Variants in RPRD1B observed in about 807,000 individuals in gnomAD.
RPRD1B encodes regulation of nuclear pre-mRNA domain-containing protein 1B.
In RPRD1B, 11 loss-of-function variants were observed where a neutral mutation model predicts 41.5. The observed-to-expected ratio is 0.27, with a 90% CI of 0.17 to 0.44. The LOEUF (loss-of-function observed/expected upper bound fraction) is 0.44, where lower values mean the gene tolerates loss of function less well. Ranked by LOEUF, RPRD1B falls within the 20% of genes least tolerant of loss-of-function variation. The probability of loss-of-function intolerance (pLI) is 1.00; values close to 1 mark genes in which losing one functional copy is unlikely to be tolerated. For missense variants in RPRD1B, 248 were observed against 389.9 expected, an observed-to-expected ratio of 0.64 and a Z score of 3.06; for synonymous variants, 158 against 155.6, an observed-to-expected ratio of 1.02 and a Z score of -0.12.
intron 3 of RPRD1B, among the ~76,000 whole-genome samples, chr20:38,056,983 A>G (rs184498681): frequency 3.3e-5 from 5 of 152,316 alleles, no homozygotes; most frequent in Admixed American, 2.0e-4. Flanking sequence ...TAAAATGGTA[A>G]CTTAAGTAAT....
intron 6 of RPRD1B, among the ~76,000 whole-genome samples, chr20:38,088,658 T>C (rs1248230083): frequency 6.6e-6 from 1 of 152,234 alleles, no homozygotes; most frequent in African/African-American, 2.4e-5. Context: ...GAGTACCTTT[T>C]TCCGGGAGCT....
In RPRD1B at chr20:38,051,952, T is replaced by G. The variant is rs146934191; in HGVS notation, c.415+3471T>G. ...TTTTAGTAGAGATGGGGTTTCTCCA[T>G]GTTGGTCAGGCTGGTCCCGAACTCC... On this transcript the variant is annotated intron_variant, in intron 3 of 6. Coordinates refer to ENST00000373433, the MANE Select transcript of RPRD1B (RefSeq NM_021215.4). Among the ~76,000 whole-genome samples, 860 of 152,250 alleles carry G rather than the reference T, an allele frequency of 5.6e-3. 11 individuals carry two copies. Among genetic ancestry groups the G allele is most frequent in the Non-Finnish European group, 7.5e-3 (511 of 68,014 alleles).
intron 6 of RPRD1B, chr20:38,070,161 G>A (rs1350772028): frequency 1.0e-6 from 1 of 980,926 alleles, no homozygotes; most frequent in African/African-American, 1.8e-5. Context: ...CCTTTAAGTA[G>A]AATTATGCTT....
intron 6 of RPRD1B, among the ~76,000 whole-genome samples, chr20:38,077,924 C>G (rs1489058399): frequency 1.3e-5 from 2 of 152,098 alleles, no homozygotes; most frequent in Non-Finnish European, 2.9e-5. Flanking sequence ...ACCTGTAATC[C>G]CAGCACTTTG....
chr20:38,057,094 T>G (rs530739146), intron 3 of RPRD1B, among the ~76,000 whole-genome samples: 1 of 152,224 alleles, frequency 6.6e-6, no homozygotes, highest in Non-Finnish European at 1.5e-5. Context: ...TAAAGAATAT[T>G]TGTGTTTGAC....
chr20:38,054,853 C>T (rs2074223647), intron 3 of RPRD1B, among the ~76,000 whole-genome samples: 1 of 152,184 alleles, frequency 6.6e-6, no homozygotes, highest in African/African-American at 2.4e-5. Context: ...CTAATGGCCA[C>T]TCCTTCCACA....
chr20:38,079,771 CTGTTT>C (rs1229722182), intron 6 of RPRD1B, among the ~76,000 whole-genome samples: 3 of 152,108 alleles, frequency 2.0e-5, no homozygotes, highest in African/African-American at 4.8e-5. Flanking sequence ...AATGGTTGTT[CTGTTT>C]TAAGTTCTTT....
At chr20:38,064,223 T>C (rs2074329747) in intron 5 of RPRD1B, among the ~76,000 whole-genome samples, 1 of 152,200 alleles carries the variant, frequency 6.6e-6, no homozygotes, top group Non-Finnish European at 1.5e-5. Flanking sequence ...ACCAAGGACA[T>C]TCTTTGTTTC....
chr20:38,041,301 A>G (rs1362218745), intron 2 of RPRD1B, among the ~76,000 whole-genome samples: 1 of 152,250 alleles, frequency 6.6e-6, no homozygotes, highest in African/African-American at 2.4e-5. Flanking sequence ...TGCAAAAGGA[A>G]TTGGGAAACA....
At chr20:38,072,450 A>G (rs1184046302) in intron 6 of RPRD1B, among the ~76,000 whole-genome samples, 1 of 152,214 alleles carries the variant, frequency 6.6e-6, no homozygotes, top group Non-Finnish European at 1.5e-5. Flanking sequence ...ATCAGTAAGT[A>G]TGAGTCCTCA....
rs147892765 is a variant in RPRD1B at position 38,037,015 on chromosome 20, G to A, written c.151+2917G>A. Among the ~76,000 whole-genome samples the A allele has an allele frequency of 7.1e-3, 1,083 of 152,242 alleles. 5 individuals carry two copies. The highest frequency in any genetic ancestry group is 0.021 in the African/African-American group (866 of 41,544). ...CATGAACTGAAAATGCCCCCACACT[G>A]AAAGAAAAGGATTCTGTGCCCTAAT... is the stretch of plus-strand genomic sequence containing the variant. On this transcript the variant is annotated intron_variant, in intron 1 of 6. Coordinates refer to ENST00000373433, the MANE Select transcript of RPRD1B (RefSeq NM_021215.4).
rs916817945 is a variant in RPRD1B, at chr20:38,091,164, G to C, written c.*1289G>C. On this transcript the variant is annotated 3_prime_UTR_variant, in exon 7 of 7. Transcript: ENST00000373433. ...TTTGACATTGGAAAGGGCAGAAAGC[G>C]ATTTGCCCCAGTAGTGTAATAGGAG... is the stretch of plus-strand genomic sequence containing the variant. The C allele has an allele frequency of 1.0e-6, 1 of 985,668 alleles. No homozygotes were observed. The highest frequency in any genetic ancestry group is 1.7e-5 in the African/African-American group (1 of 57,206). The allele number at this position is 985,668 out of a possible 1,614,324, so 61.1% of individuals were successfully genotyped here.
intron 6 of RPRD1B, among the ~76,000 whole-genome samples, chr20:38,080,589 G>A (rs544673103): frequency 9.9e-5 from 15 of 152,262 alleles, no homozygotes; most frequent in East Asian, 5.8e-4. Flanking sequence ...GCAGTGGCAC[G>A]ATCTCGGCTT....
chr20:38,085,839 CTTT>C lies in RPRD1B; in HGVS notation c.832-3869_832-3867del, dbSNP rs774430421. On this transcript the variant is annotated intron_variant, in intron 6 of 6. Coordinates refer to ENST00000373433, the MANE Select transcript of RPRD1B (RefSeq NM_021215.4). ...TGGGGGAGTTTTGTTTGGAGTCAGTCTTTTTTTTTTTTTTTTTTTTGAGACAGG... is the reference window on the plus strand; with the variant it reads ...TGGGGGAGTTTTGTTTGGAGTCAGTCTTTTTTTTTTTTTTTTTGAGACAGG... 3.4e-3 allele frequency among the ~76,000 whole-genome samples: 420 copies of C among 124,940 alleles called. 1 individual carries two copies. The highest frequency in any genetic ancestry group is 0.012 in the African/African-American group (391 of 32,332). The allele number at this position is 124,940 out of a possible 152,430, so 82.0% of individuals were successfully genotyped here.
chr20:38,062,181 A>G (rs2074304519), intron 5 of RPRD1B, among the ~76,000 whole-genome samples: 1 of 152,198 alleles, frequency 6.6e-6, no homozygotes, highest in South Asian at 2.1e-4. Context: ...CTACAGTAGC[A>G]GTGGGAACTA....
intron 6 of RPRD1B, among the ~76,000 whole-genome samples, chr20:38,086,586 C>T (rs931385458): frequency 1.3e-5 from 2 of 152,186 alleles, no homozygotes; most frequent in African/African-American, 4.8e-5. Context: ...CTGTCTGCCT[C>T]AGCCTCTGAA....
chr20:38,037,297 C>T (rs1245656364), intron 1 of RPRD1B, among the ~76,000 whole-genome samples: 1 of 152,150 alleles, frequency 6.6e-6, no homozygotes, highest in Non-Finnish European at 1.5e-5. Context: ...GTGTAAAGTG[C>T]TCCTAAATGA....
chr20:38,078,039 CGTG>C (rs2074480487), intron 6 of RPRD1B, among the ~76,000 whole-genome samples: 1 of 151,764 alleles, frequency 6.6e-6, no homozygotes, highest in African/African-American at 2.4e-5. Context: ...AGCTGGGCAT[CGTG>C]GTTCATGCCC....
intron 6 of RPRD1B, among the ~76,000 whole-genome samples, chr20:38,068,107 G>T (rs954836369): frequency 6.6e-6 from 1 of 152,208 alleles, no homozygotes; most frequent in African/African-American, 2.4e-5. Flanking sequence ...CTAGTGGTTT[G>T]CTGGACGCCA....
Sources: allele counts gnomAD v4.1 joint callset (sites outside exome capture counted in the v4.1 genomes callset), GRCh38; gene constraint gnomAD v4.1.1; transcripts MANE v1.5; gene names NCBI Gene and HGNC (gene_info 2026-07-23, HGNC 2026-07-21).